The following CADPS variants were observed in gnomAD, a reference collection of about 807,000 sequenced individuals.
CADPS encodes calcium dependent secretion activator.
A neutral mutation model predicts 167.3 loss-of-function variants in CADPS; 57 were observed. The ratio of observed to expected loss-of-function variants is 0.34; its 90% CI spans 0.28 to 0.42. The LOEUF is 0.42. Among genes scored for constraint, CADPS ranks in the 20% least tolerant of loss-of-function variants. The pLI is 1.00. For missense variants in CADPS, 1,414 were observed against 1,738.1 expected, an observed-to-expected ratio of 0.81 and a Z score of 3.32; for synonymous variants, 676 against 635.3, an observed-to-expected ratio of 1.06 and a Z score of -0.96.
chr3:62,655,800 C>A (rs1365744886), intron 4 of CADPS, among the ~76,000 whole-genome samples: 1 of 152,144 alleles, frequency 6.6e-6, no homozygotes, highest in Non-Finnish European at 1.5e-5. Flanking sequence ...TTAATCCAAT[C>A]TCTCAGACAC....
Position 62,549,891 on chromosome 3 carries a change from A to C in CADPS, c.1966+12T>G. 1.9e-6 allele frequency: 3 copies of C among 1,606,966 alleles called. No homozygotes were observed. Among genetic ancestry groups the C allele is most frequent in the Non-Finnish European group, 2.6e-6 (3 of 1,173,672 alleles). On this transcript the variant is annotated intron_variant, in intron 11 of 29. Coordinates refer to ENST00000383710, the MANE Select transcript of CADPS (RefSeq NM_003716.4). ...TACAGAGCTATTTTTGTAAAACGGCATATTTACTTACAAAATTGAGAGATA... is the reference window on the plus strand; with the variant it reads ...TACAGAGCTATTTTTGTAAAACGGCCTATTTACTTACAAAATTGAGAGATA...
chr3:62,427,066 C>T (rs2052885760), intron 28 of CADPS, among the ~76,000 whole-genome samples: 1 of 141,352 alleles, frequency 7.1e-6, no homozygotes, highest in Non-Finnish European at 1.5e-5. Flanking sequence ...CAGAGCGAGA[C>T]TCCGTATCAA....
intron 11 of CADPS, among the ~76,000 whole-genome samples, chr3:62,538,756 C>T (rs995361665): frequency 6.6e-6 from 1 of 152,172 alleles, no homozygotes; most frequent in African/African-American, 2.4e-5. Context: ...AAATATGGCA[C>T]ATGTTTCAAG....
chr3:62,435,187 C>T (rs930141676), intron 28 of CADPS, among the ~76,000 whole-genome samples: 1 of 152,152 alleles, frequency 6.6e-6, no homozygotes, highest in Non-Finnish European at 1.5e-5. Context: ...TAGAAACTTG[C>T]CCCAGGACCC....
In CADPS at chr3:62,874,976, C is replaced by G; in HGVS notation, c.54G>C (p.Glu18Asp). The change falls in exon 1 of 30, where the codon GAG becomes GAC. Residue 18 changes from glutamate (E) to aspartate (D), a missense_variant. By Grantham distance (45) the Glu-to-Asp change is conservative. This residue lies in a region of CADPS where 522 missense variants were observed against 559.5 expected (regional missense o/e 0.93). Transcript: ENST00000383710. This position sits in a 1 kb window ranked among gnomAD's most constrained non-coding sequence, Gnocchi z 7.1. ...EEESDEIVEE[E>D]SGKEVLGSAP... ...CCGAGCCGAGCACCTCCTTGCCGCT[C>G]TCCTCCTCCACGATCTCATCCGATT... 1 of 1,594,252 alleles carries G rather than the reference C, an allele frequency of 6.3e-7. No individual in the cohort carries two copies.
At chr3:62,692,433 C>T (rs1202753432) in intron 3 of CADPS, among the ~76,000 whole-genome samples, 2 of 151,974 alleles carry the variant, frequency 1.3e-5, no homozygotes, top group Non-Finnish European at 1.5e-5. Flanking sequence ...TGCATTCTTT[C>T]CCATGAACCT....
chr3:62,790,182 G>T (rs1346734057), intron 1 of CADPS, among the ~76,000 whole-genome samples: 4 of 152,052 alleles, frequency 2.6e-5, no homozygotes, highest in Admixed American at 2.0e-4. Context: ...TTCATAAAGA[G>T]TATGCAACAT....
intron 5 of CADPS, among the ~76,000 whole-genome samples, chr3:62,647,430 A>T (rs2068834385): frequency 6.6e-6 from 1 of 152,128 alleles, no homozygotes; most frequent in South Asian, 2.1e-4. Context: ...GGAGCCCAGG[A>T]CTTTCTTTTT....
At chr3:62,417,864 A>C (rs1232333506) in intron 28 of CADPS, among the ~76,000 whole-genome samples, 2 of 151,920 alleles carry the variant, frequency 1.3e-5, no homozygotes, top group African/African-American at 4.8e-5. Flanking sequence ...AAAACCTAGC[A>C]ATAATAATAA....
intron 6 of CADPS, among the ~76,000 whole-genome samples, chr3:62,618,533 G>A (rs1341304631): frequency 6.6e-6 from 1 of 152,110 alleles, no homozygotes; most frequent in Non-Finnish European, 1.5e-5. Context: ...TCTGTTAATT[G>A]CACCAGAGGA....
rs1249221225 is a variant in CADPS, at chr3:62,514,701, C to T, written c.2581+1358G>A. Among the ~76,000 whole-genome samples the T allele has an allele frequency of 1.3e-5, 2 of 152,102 alleles. No homozygotes were observed. Among genetic ancestry groups the T allele is most frequent in the Admixed American group, 6.6e-5 (1 of 15,266 alleles). ...ACTAGTAGTAATAGCTAGACCAAGA[C>T]CTATGAGGCAGCAGCCATGGCAACA... On this transcript the variant is annotated intron_variant, in intron 16 of 29. Coordinates refer to ENST00000383710, the MANE Select transcript of CADPS (RefSeq NM_003716.4). The surrounding 1 kb of genome is among the most constrained non-coding windows in gnomAD (Gnocchi z 4.2).
At chr3:62,429,839 G>C (rs1490886237) in intron 28 of CADPS, among the ~76,000 whole-genome samples, 1 of 152,186 alleles carries the variant, frequency 6.6e-6, no homozygotes, top group Non-Finnish European at 1.5e-5. Flanking sequence ...TTCTCCTCTG[G>C]AAAGGAAAAC....
chr3:62,592,400 T>C (rs891231502), intron 7 of CADPS, among the ~76,000 whole-genome samples: 40 of 152,212 alleles, frequency 2.6e-4, no homozygotes, highest in African/African-American at 9.4e-4. Flanking sequence ...ACTCCTGCTC[T>C]ATCTCCTGTA....
Position 62,465,242 on chromosome 3 carries a change from A to C in CADPS, c.3636+125T>G. On this transcript the variant is annotated intron_variant, in intron 26 of 29. Coordinates refer to ENST00000383710, the MANE Select transcript of CADPS (RefSeq NM_003716.4). This position sits in a 1 kb window ranked among gnomAD's most constrained non-coding sequence, Gnocchi z 4.1. ...GCTTTTCACATAGTGTTAATATTAT[A>C]CAATAGTTGACTATAATTAACACAC... 1 of 635,538 alleles carries C rather than the reference A, an allele frequency of 1.6e-6. No homozygotes were observed. The highest frequency in any genetic ancestry group is 2.3e-5 in the South Asian group (1 of 43,882). 39.4% of individuals were successfully genotyped at this position (635,538 alleles called of 1,614,324 possible).
At chr3:62,550,410 C>A (rs907582203) in intron 10 of CADPS, among the ~76,000 whole-genome samples, 2 of 152,050 alleles carry the variant, frequency 1.3e-5, no homozygotes, top group Non-Finnish European at 2.9e-5. Flanking sequence ...TTTTCTCCCT[C>A]ATCTTTAAAC....
At chr3:62,677,711 T>G (rs1445277652) in intron 3 of CADPS, among the ~76,000 whole-genome samples, 19 of 152,146 alleles carry the variant, frequency 1.2e-4, no homozygotes, top group African/African-American at 4.6e-4. Flanking sequence ...GAGAATATTA[T>G]TAAACTGACA....
chr3:62,602,701 T>A lies in CADPS; in HGVS notation c.1326-9953A>T, dbSNP rs1035947733. Among the ~76,000 whole-genome samples the A allele has an allele frequency of 6.6e-6, 1 of 152,172 alleles. No homozygotes were observed. The highest frequency in any genetic ancestry group is 1.5e-5 in the Non-Finnish European group (1 of 68,024). Reference sequence around the variant, plus strand: ...CGTTTGCTTTGTAGAAATTGGGCTGTCTGGGAGGCAGAGATGAAGGCTTTG... The same window carrying A: ...CGTTTGCTTTGTAGAAATTGGGCTGACTGGGAGGCAGAGATGAAGGCTTTG... On this transcript the variant is annotated intron_variant, in intron 6 of 29. Coordinates refer to ENST00000383710, the MANE Select transcript of CADPS (RefSeq NM_003716.4). The surrounding 1 kb of genome is among the most constrained non-coding windows in gnomAD (Gnocchi z 4.4).
chr3:62,530,813 C>T, intron 13 of CADPS: 1 of 1,266,044 alleles, frequency 7.9e-7, no homozygotes, highest in Non-Finnish European at 1.0e-6. Flanking sequence ...CATTTGTTGA[C>T]TTTGGAGAGG....
chr3:62,538,940 G>A (rs968892538), intron 11 of CADPS, among the ~76,000 whole-genome samples: 1 of 152,138 alleles, frequency 6.6e-6, no homozygotes, highest in African/African-American at 2.4e-5. Context: ...AATGAATGCA[G>A]CTTTGTGGTG....
Sources: allele counts gnomAD v4.1 joint callset (sites outside exome capture counted in the v4.1 genomes callset), GRCh38; gene constraint gnomAD v4.1.1; regional missense constraint gnomAD v4.1.1; non-coding constraint Gnocchi (gnomAD v3.1); transcripts MANE v1.5; gene names NCBI Gene and HGNC (gene_info 2026-07-23, HGNC 2026-07-21).